The following OPRM1 variants were observed in gnomAD, a reference collection of about 807,000 sequenced individuals.
The protein encoded by OPRM1 is mu-type opioid receptor.
A neutral mutation model predicts 31.8 loss-of-function variants in OPRM1; 27 were observed. That is an observed-to-expected ratio of 0.85 (90% confidence interval 0.63 to 1.17). OPRM1 has a LOEUF of 1.17. Ranked by LOEUF, OPRM1 falls within the 50% of genes most tolerant of loss-of-function variation. The pLI is 0.00. For missense variants in OPRM1, 536 were observed against 511.1 expected, an observed-to-expected ratio of 1.05 and a Z score of -0.47; for synonymous variants, 196 against 189.9, an observed-to-expected ratio of 1.03 and a Z score of -0.26.
chr6:154,088,357 A>G (rs2128480698), intron 1 of OPRM1, among the ~76,000 whole-genome samples: 1 of 152,344 alleles, frequency 6.6e-6, no homozygotes, highest in Non-Finnish European at 1.5e-5. Context: ...AACAGGAAAG[A>G]TTAAAGAGCT....
At chr6:154,016,443 A>G (rs987367262) in intron 1 of OPRM1, among the ~76,000 whole-genome samples, 3 of 152,184 alleles carry the variant, frequency 2.0e-5, no homozygotes, top group Non-Finnish European at 4.4e-5. Flanking sequence ...CTGTTAATAC[A>G]TATACATATC....
At chr6:154,223,432 T>A (rs1320998788) in intron 3 of OPRM1, among the ~76,000 whole-genome samples, 1 of 152,148 alleles carries the variant, frequency 6.6e-6, no homozygotes, top group Non-Finnish European at 1.5e-5. Context: ...GTTCTCCTGA[T>A]AAGTCACCCA....
intron 1 of OPRM1, 74 bp downstream of exon 1, chr6:154,039,908 A>G: frequency 7.3e-7 from 1 of 1,373,564 alleles, no homozygotes; most frequent in Non-Finnish European, 9.8e-7. Flanking sequence ...CTAACTCCCA[A>G]GGCTCAATGT....
intron 1 of OPRM1, among the ~76,000 whole-genome samples, chr6:154,017,273 A>T (rs1329179350): frequency 6.6e-6 from 1 of 152,194 alleles, no homozygotes; most frequent in Non-Finnish European, 1.5e-5. Flanking sequence ...GTGATGCCTG[A>T]TAAATATTTG....
chr6:154,200,590 G>T (rs187321353), intron 3 of OPRM1, among the ~76,000 whole-genome samples: 1 of 151,950 alleles, frequency 6.6e-6, no homozygotes, highest in African/African-American at 2.4e-5. Context: ...GCTTGGTGGC[G>T]CGCACCTGTA....
rs1797372424 is a variant in OPRM1, at chr6:154,122,738, A to C, written c.*4017A>C. Among the ~76,000 whole-genome samples the C allele has an allele frequency of 6.6e-6, 1 of 152,146 alleles. No homozygotes were observed. The highest frequency in any genetic ancestry group is 1.5e-5 in the Non-Finnish European group (1 of 68,026). On this transcript the variant is annotated 3_prime_UTR_variant, in exon 4 of 4. Coordinates refer to ENST00000330432, the MANE Select transcript of OPRM1 (RefSeq NM_000914.5). Reference sequence around the variant, plus strand: ...GTTCAACCTTTTGTTATGCAATATCACCCATATCAAATACCATTCTTAAAG... The same window carrying C: ...GTTCAACCTTTTGTTATGCAATATCCCCCATATCAAATACCATTCTTAAAG...
At chr6:154,202,844 GA>G (rs56874827) in intron 3 of OPRM1, among the ~76,000 whole-genome samples, 7,478 of 152,056 alleles carry the variant, frequency 0.049, 305 homozygotes, top group South Asian at 0.19. Context: ...TTTAAATGGA[GA>G]AAAGAAGAAT....
At chr6:154,115,818 T>C (rs1349255357) in intron 3 of OPRM1, among the ~76,000 whole-genome samples, 1 of 152,214 alleles carries the variant, frequency 6.6e-6, no homozygotes, top group Non-Finnish European at 1.5e-5. Flanking sequence ...ACATAGAGTT[T>C]CATCTGTGTA....
chr6:154,084,641 C>A (rs1790065553), intron 1 of OPRM1, among the ~76,000 whole-genome samples: 1 of 151,898 alleles, frequency 6.6e-6, no homozygotes, highest in African/African-American at 2.4e-5. Flanking sequence ...TTTTTCTCGA[C>A]TAAAAAGGTT....
chr6:154,029,527 A>G (rs1369625559), intron 1 of OPRM1, among the ~76,000 whole-genome samples: 1 of 152,244 alleles, frequency 6.6e-6, no homozygotes, highest in African/African-American at 2.4e-5. Context: ...ATATTTCAAA[A>G]AAACCAATTC....
intron 3 of OPRM1, among the ~76,000 whole-genome samples, chr6:154,229,549 G>A (rs1752477037): frequency 6.6e-6 from 1 of 151,756 alleles, no homozygotes; most frequent in Non-Finnish European, 1.5e-5. Flanking sequence ...AGTAGAGATG[G>A]GGTTCGCCGT....
rs1795767903 is a variant in OPRM1, at chr6:154,107,530, G to T, written c.1165-11153G>T. Reference sequence around the variant, plus strand: ...CTTGGCCACTGAGCTACAATGCAGGGCAGTCTCCATTTCCCTTCCCAGGAA... The same window carrying T: ...CTTGGCCACTGAGCTACAATGCAGGTCAGTCTCCATTTCCCTTCCCAGGAA... On this transcript the variant is annotated intron_variant, in intron 3 of 3. Coordinates refer to ENST00000330432, the MANE Select transcript of OPRM1 (RefSeq NM_000914.5). The T allele has an allele frequency of 8.4e-6, 6 of 718,562 alleles. No individual in the cohort carries two copies. The East Asian group carries it at 1.3e-4, about 16-fold the overall frequency. 44.5% of individuals were successfully genotyped at this position (718,562 alleles called of 1,614,324 possible). A position where few individuals can be genotyped will look rare whatever the true frequency, so the allele number is the denominator to read the frequency against.
intron 3 of OPRM1, among the ~76,000 whole-genome samples, chr6:154,198,567 T>C (rs1405329353): frequency 6.6e-6 from 1 of 151,958 alleles, no homozygotes; most frequent in Non-Finnish European, 1.5e-5. Flanking sequence ...GTGACAACTG[T>C]TATAACTTGG....
At chr6:154,103,829 GT>G (rs1795205799) in intron 3 of OPRM1, among the ~76,000 whole-genome samples, 1 of 152,080 alleles carries the variant, frequency 6.6e-6, no homozygotes, top group African/African-American at 2.4e-5. Flanking sequence ...TGCCATTTTG[GT>G]TTTCATGGGT....
At chr6:154,037,310 G>T (rs1397205261), upstream of OPRM1, among the ~76,000 whole-genome samples, 1 of 150,430 alleles carries the variant, frequency 6.6e-6, no homozygotes, top group African/African-American at 2.4e-5. Flanking sequence ...TTTTGTCATT[G>T]GTAAACCTAA....
chr6:154,188,421 T>C (rs1801574606), intron 3 of OPRM1, among the ~76,000 whole-genome samples: 1 of 152,220 alleles, frequency 6.6e-6, no homozygotes, highest in Non-Finnish European at 1.5e-5. Context: ...CATAACGATT[T>C]CTGTTTCCCC....
intron 3 of OPRM1, among the ~76,000 whole-genome samples, chr6:154,096,001 CA>C (rs1379655084): frequency 6.6e-6 from 1 of 152,114 alleles, no homozygotes; most frequent in Non-Finnish European, 1.5e-5. Context: ...ACTTGGTTTC[CA>C]CCCGCATCAT....
At chr6:154,076,949 A>C (rs1004450771) in intron 1 of OPRM1, among the ~76,000 whole-genome samples, 10 of 152,170 alleles carry the variant, frequency 6.6e-5, no homozygotes, top group African/African-American at 2.4e-4. Context: ...GTTTTGCTGA[A>C]AAGTAAAATA....
At chr6:154,219,717 A>G (rs1298184296) in intron 3 of OPRM1, among the ~76,000 whole-genome samples, 1 of 152,176 alleles carries the variant, frequency 6.6e-6, no homozygotes, top group East Asian at 1.9e-4. Context: ...TATTTTTCTC[A>G]GATGCTTAAG....
Sources: allele counts gnomAD v4.1 joint callset (sites outside exome capture counted in the v4.1 genomes callset), GRCh38; gene constraint gnomAD v4.1.1; transcripts MANE v1.5; gene names NCBI Gene and HGNC (gene_info 2026-07-23, HGNC 2026-07-21).